Variants in LXN observed in about 807,000 individuals in gnomAD.
LXN encodes latexin, also known as MUM.
Under a neutral mutation model 29.8 loss-of-function variants are expected in LXN, and 28 were observed. The observed-to-expected ratio is 0.94, with a 90% CI of 0.70 to 1.29. LXN has a LOEUF of 1.29. LXN is among the 50% of genes most tolerant of loss of function. LXN has a pLI of 0.00. For synonymous variants in LXN, 77 were observed against 89.6 expected (o/e 0.86, Z 0.80); for missense variants, 227 against 261.7 (o/e 0.87, Z 0.92).
chr3:158,668,990 A>C lies in LXN; in HGVS notation c.507+6T>G. 1 of 1,604,102 alleles carries C rather than the reference A, an allele frequency of 6.2e-7. No homozygotes were observed. Among genetic ancestry groups the C allele is most frequent in the Non-Finnish European group, 8.5e-7 (1 of 1,173,944 alleles). Reference sequence around the variant, plus strand: ...ATTAATAGTGTATTTTATAGAAACTACTTACCACTTGCTTGACAGTTTGAA... The same window carrying C: ...ATTAATAGTGTATTTTATAGAAACTCCTTACCACTTGCTTGACAGTTTGAA... On this transcript the variant is annotated splice_donor_region_variant and intron_variant, in intron 4 of 5. Transcript: ENST00000264265.
At chr3:158,670,642 T>C (rs1724195845) in intron 2 of LXN, among the ~76,000 whole-genome samples, 1 of 152,246 alleles carries the variant, frequency 6.6e-6, no homozygotes. Flanking sequence ...GTAAAACTAA[T>C]CAATCTTACA....
intron 4 of LXN, among the ~76,000 whole-genome samples, chr3:158,668,585 G>A (rs536249398): frequency 6.6e-6 from 1 of 152,318 alleles, no homozygotes; most frequent in East Asian, 1.9e-4. Flanking sequence ...TAAGAGCTAT[G>A]ATTACCGTGA....
In LXN at chr3:158,669,518, A is replaced by G. The variant is rs148681501; in HGVS notation, c.285T>C (p.Thr95=). ...TGTCTTCTTCATCTGGATTCTTTCC[A>G]GTTTCTCCTTCAAATGTGAAGTTGA... ...PEVNFTFEGE[T]GKNPDEEDNT... Residue 95 remains threonine (T), a synonymous_variant, in exon 3 of 6, where the codon ACT becomes ACC. Transcript: ENST00000264265. 99 of 1,613,976 alleles carry G rather than the reference A, an allele frequency of 6.1e-5. No individual in the cohort carries two copies. In the African/African-American group the frequency reaches 1.3e-3, roughly 20 times the overall value.
chr3:158,666,845 G>A, intron 5 of LXN, 101 bp from the exon 6 acceptor site: 1 of 1,416,694 alleles, frequency 7.1e-7, no homozygotes, highest in Non-Finnish European at 9.7e-7. Flanking sequence ...TCTTCACAAA[G>A]AATAGTACTT....
chr3:158,670,946 A>C lies in LXN; in HGVS notation c.192+11T>G. On this transcript the variant is annotated intron_variant, in intron 2 of 5. Transcript: ENST00000264265. ...AGACCCTGTCTCAAAGAAAAAAGAAATTTAACTTACTTTTTGTATAATTTC... is the reference window on the plus strand; with the variant it reads ...AGACCCTGTCTCAAAGAAAAAAGAACTTTAACTTACTTTTTGTATAATTTC... 6.5e-7 allele frequency: 1 copy of C among 1,534,780 alleles called. No individual in the cohort carries two copies. The highest frequency in any genetic ancestry group is 8.8e-7 in the Non-Finnish European group (1 of 1,142,446).
chr3:158,672,553 G>C lies in LXN; in HGVS notation c.-75C>G. 6.3e-7 allele frequency: 1 copy of C among 1,577,498 alleles called. No individual in the cohort carries two copies. Among genetic ancestry groups the C allele is most frequent in the Non-Finnish European group, 8.7e-7 (1 of 1,155,884 alleles). ...CCAGTAGCAGAGCGCCGCCCGTCCT[G>C]CTTGCTGCTGGGTCCGGTTGCCGAG... On this transcript the variant is annotated 5_prime_UTR_variant, in exon 1 of 6. Transcript: ENST00000264265.
At chr3:158,671,961 G>A (rs536042908) in intron 1 of LXN, among the ~76,000 whole-genome samples, 115 of 152,332 alleles carry the variant, frequency 7.5e-4, no homozygotes, top group Non-Finnish European at 1.4e-3. Flanking sequence ...TAGAGTCTTG[G>A]AAGATGGGAG....
rs1176888785 is a variant in LXN, at chr3:158,672,564, G to C, written c.-86C>G. On this transcript the variant is annotated 5_prime_UTR_variant, in exon 1 of 6. Transcript: ENST00000264265. ...GCGCCGCCCGTCCTGCTTGCTGCTG[G>C]GTCCGGTTGCCGAGGCGGAAAAGTC... The C allele has an allele frequency of 3.2e-6, 5 of 1,554,188 alleles. No homozygotes were observed. In the African/African-American group the frequency reaches 5.4e-5, roughly 17 times the overall value.
At position 158,666,933 on chromosome 3, in the gene LXN, A is replaced by C. The variant is rs572717114; in HGVS notation, c.570+79T>G. 20 of 1,536,018 alleles carry C rather than the reference A, an allele frequency of 1.3e-5. No homozygotes were observed. In the East Asian group the frequency reaches 4.7e-4, roughly 36 times the overall value. ...TACATGAATTCTGATTTAGAGTCAA[A>C]ATTAATAAAGCATACTGTGGCTATA... On this transcript the variant is annotated intron_variant, in intron 5 of 5. Transcript: ENST00000264265.
intron 1 of LXN, among the ~76,000 whole-genome samples, chr3:158,671,449 T>A (rs1303514597): frequency 1.3e-5 from 2 of 152,228 alleles, no homozygotes; most frequent in African/African-American, 4.8e-5. Flanking sequence ...GGCAGATTAC[T>A]GCAAAGCAAT....
In LXN at chr3:158,672,496, T is replaced by G. The variant is rs1724436599; in HGVS notation, c.-18A>C. ...ATTTCCATTCCGGATGAGCAGTGAC[T>G]TCAGGGCTTGGGCTACTCTGGCTTA... On this transcript the variant is annotated 5_prime_UTR_variant, in exon 1 of 6. Coordinates refer to ENST00000264265, the MANE Select transcript of LXN (RefSeq NM_020169.4). 1 of 1,613,340 alleles carries G rather than the reference T, an allele frequency of 6.2e-7. No homozygotes were observed. The highest frequency in any genetic ancestry group is 8.5e-7 in the Non-Finnish European group (1 of 1,179,604).
chr3:158,669,090 T>G lies in LXN; in HGVS notation c.413A>C (p.His138Pro), dbSNP rs1271712215. 6.2e-7 allele frequency: 1 copy of G among 1,613,244 alleles called. No individual in the cohort carries two copies. ...NVSPEMTLVLHLAWVACGYII... is the reference protein window; with the variant it reads ...NVSPEMTLVLPLAWVACGYII... ...ATAACCACAGGCAACCCAGGCTAAA[T>G]GTAGAACGAGCGTCATTTCTGGAGA... The change falls in exon 4 of 6, where the codon CAT becomes CCT. Residue 138 changes from histidine to proline, a missense_variant. By Grantham distance (77) the His-to-Pro change is moderately conservative (BLOSUM62 -2). Transcript: ENST00000264265.
At chr3:158,671,090 T>C in intron 1 of LXN, 71 bp from the exon 2 acceptor site, 10 of 1,373,768 alleles carry the variant, frequency 7.3e-6, no homozygotes, top group Non-Finnish European at 9.5e-6. Context: ...GTTAGAAGTA[T>C]GCATCTCATT....
At chr3:158,671,621 A>G (rs1724320815) in intron 1 of LXN, among the ~76,000 whole-genome samples, 1 of 152,262 alleles carries the variant, frequency 6.6e-6, no homozygotes, top group African/African-American at 2.4e-5. Flanking sequence ...GTTTCAAAAT[A>G]AGATCTACTG....
At chr3:158,670,112 T>A (rs962370893) in intron 2 of LXN, among the ~76,000 whole-genome samples, 2 of 152,236 alleles carry the variant, frequency 1.3e-5, no homozygotes, top group African/African-American at 4.8e-5. Flanking sequence ...TTTTAATGAA[T>A]CTCTTTATGA....
intron 1 of LXN, among the ~76,000 whole-genome samples, chr3:158,671,553 T>C (rs1220849272): frequency 6.6e-6 from 1 of 152,254 alleles, no homozygotes; most frequent in Non-Finnish European, 1.5e-5. Context: ...AAATGGTATT[T>C]CACTTTTAAA....
At position 158,666,504 on chromosome 3, in the gene LXN, G is replaced by C. The variant is rs1380486834; in HGVS notation, c.*142C>G. The C allele has an allele frequency of 8.9e-7, 1 of 1,129,404 alleles. No homozygotes were observed. The highest frequency in any genetic ancestry group is 1.6e-5 in the African/African-American group (1 of 64,514). The allele number at this position is 1,129,404 out of a possible 1,614,324, so 70.0% of individuals were successfully genotyped here. Reference sequence around the variant, plus strand: ...TTATGTAGTGATACTTTGTATTATGGACTCTATAAAGTTCTATACTGTAAT... The same window carrying C: ...TTATGTAGTGATACTTTGTATTATGCACTCTATAAAGTTCTATACTGTAAT... On this transcript the variant is annotated 3_prime_UTR_variant, in exon 6 of 6. Coordinates refer to ENST00000264265, the MANE Select transcript of LXN (RefSeq NM_020169.4).
Position 158,669,415 on chromosome 3 carries a change from C to G in LXN, c.370+18G>C. The stretch of plus-strand genomic sequence containing the variant: ...AAGTTTGAATCAAACAAATGGTTTT[C>G]ATGCCATATTTATATACCTGGAATA... On this transcript the variant is annotated intron_variant, in intron 3 of 5. Coordinates refer to ENST00000264265, the MANE Select transcript of LXN (RefSeq NM_020169.4). 6.3e-7 allele frequency: 1 copy of G among 1,591,016 alleles called. No homozygotes were observed. Among genetic ancestry groups the G allele is most frequent in the East Asian group, 2.2e-5 (1 of 44,672 alleles).
chr3:158,668,022 C>T (rs978825506), intron 4 of LXN, among the ~76,000 whole-genome samples: 6 of 152,162 alleles, frequency 3.9e-5, no homozygotes, highest in Non-Finnish European at 7.4e-5. Flanking sequence ...TAACTCAAGA[C>T]TTCACTCTTC....
Sources: allele counts gnomAD v4.1 joint callset (sites outside exome capture counted in the v4.1 genomes callset), GRCh38; gene constraint gnomAD v4.1.1; transcripts MANE v1.5; gene names NCBI Gene and HGNC (gene_info 2026-07-23, HGNC 2026-07-21).